Variants in TMEM117 observed in about 807,000 individuals in gnomAD.
TMEM117 encodes the protein transmembrane protein 117.
TMEM117 carries 27 observed loss-of-function variants against 52.4 expected under a neutral mutation model. That is an observed-to-expected ratio of 0.51 (90% CI 0.38 to 0.71). TMEM117 has a LOEUF of 0.71. Among genes scored for constraint, TMEM117 ranks in the 30% least tolerant of loss-of-function variants. TMEM117 has a pLI of 0.00. For missense variants in TMEM117, 556 were observed against 630.5 expected (o/e 0.88, Z 1.26); for synonymous variants, 215 against 206.3 (o/e 1.04, Z -0.36).
chr12:44,127,416 C>T (rs1948343549), intron 3 of TMEM117, among the ~76,000 whole-genome samples: 2 of 151,858 alleles, frequency 1.3e-5, no homozygotes, highest in Non-Finnish European at 2.9e-5. Flanking sequence ...GTGGCGCGTG[C>T]CTGTTACACC....
At chr12:43,944,402 T>C (rs1945095792) in intron 3 of TMEM117, 60 bp downstream of exon 3, 1 of 1,511,514 alleles carries the variant, frequency 6.6e-7, no homozygotes, top group South Asian at 1.3e-5. Flanking sequence ...TGTAAGAATT[T>C]AAGAGTTTTT....
At chr12:44,068,867 T>G (rs1241401001) in intron 3 of TMEM117, among the ~76,000 whole-genome samples, 36 of 152,264 alleles carry the variant, frequency 2.4e-4, no homozygotes, top group Non-Finnish European at 4.4e-5. Flanking sequence ...TGTAGCACAA[T>G]GAAGTAAAGC....
At chr12:44,266,808 TAACTTCA>T (rs1483497269) in intron 5 of TMEM117, among the ~76,000 whole-genome samples, 1 of 152,138 alleles carries the variant, frequency 6.6e-6, no homozygotes, top group Non-Finnish European at 1.5e-5. Flanking sequence ...GGATAGTATC[TAACTTCA>T]TTATTTTGCA....
chr12:44,372,539 A>G (rs926832332), intron 6 of TMEM117, among the ~76,000 whole-genome samples: 1 of 151,840 alleles, frequency 6.6e-6, no homozygotes, highest in East Asian at 1.9e-4. Context: ...AGAAAATGTT[A>G]AAGTTGGTCT....
chr12:44,234,495 A>G (rs1223323031), intron 5 of TMEM117, among the ~76,000 whole-genome samples: 1 of 150,844 alleles, frequency 6.6e-6, no homozygotes, highest in African/African-American at 2.4e-5. Flanking sequence ...TCTTTTCTTC[A>G]TTATTATTTT....
chr12:43,804,840 T>A, the TMEM117 span, among the ~76,000 whole-genome samples: 3 of 152,238 alleles, frequency 2.0e-5, no homozygotes. Flanking sequence ...GTGAATATAC[T>A]GAAGTTACTC....
intron 4 of TMEM117, among the ~76,000 whole-genome samples, chr12:44,192,403 A>C (rs1405718005): frequency 6.6e-6 from 1 of 152,234 alleles, no homozygotes. Flanking sequence ...AGACCAAATA[A>C]AATGGACTAA....
intron 2 of TMEM117, among the ~76,000 whole-genome samples, chr12:43,862,345 T>G (rs940728192): frequency 2.0e-5 from 3 of 152,318 alleles, no homozygotes; most frequent in Middle Eastern, 3.4e-3. Context: ...ATTTTTTGCA[T>G]TTTTAGTAGA....
At position 43,842,368 on chromosome 12, in the gene TMEM117, A is replaced by G. The variant is rs916491042; in HGVS notation, c.-28-2256A>G. Among the ~76,000 whole-genome samples, 3 of 152,310 alleles carry G rather than the reference A, an allele frequency of 2.0e-5. No individual in the cohort carries two copies. In the South Asian group the frequency reaches 6.2e-4, roughly 32 times the overall value. On this transcript the variant is annotated intron_variant, in intron 1 of 7. Coordinates refer to ENST00000266534, the MANE Select transcript of TMEM117 (RefSeq NM_032256.3). ...CCTGGGGACAGATTTCAGAGTGTTC[A>G]CAAAGATAACAAGGGACTTAAAATT...
chr12:44,215,150 T>G (rs946393749), intron 5 of TMEM117, among the ~76,000 whole-genome samples: 1 of 152,208 alleles, frequency 6.6e-6, no homozygotes, highest in Non-Finnish European at 1.5e-5. Flanking sequence ...AAATCTTTCT[T>G]AAGTTGCAAT....
In TMEM117 at chr12:44,051,337, C is replaced by T. The variant is rs181602066; in HGVS notation, c.411-92188C>T. 2.3e-3 allele frequency among the ~76,000 whole-genome samples: 354 copies of T among 152,172 alleles called. 3 individuals carry two copies. Among genetic ancestry groups the T allele is most frequent in the African/African-American group, 8.1e-3 (336 of 41,522 alleles). On this transcript the variant is annotated intron_variant, in intron 3 of 7. Coordinates refer to ENST00000266534, the MANE Select transcript of TMEM117 (RefSeq NM_032256.3). ...TAATAATGACAGTAATAATAATAGA[C>T]GATATCCACATCTGTTCTACTGAAC...
intron 2 of TMEM117, among the ~76,000 whole-genome samples, chr12:43,931,889 G>A (rs1778819998): frequency 6.6e-6 from 1 of 152,180 alleles, no homozygotes; most frequent in African/African-American, 2.4e-5. Context: ...CCCAGGCTTG[G>A]CATCTCCACC....
At chr12:44,068,018 G>A (rs950014712) in intron 3 of TMEM117, among the ~76,000 whole-genome samples, 3 of 152,116 alleles carry the variant, frequency 2.0e-5, no homozygotes, top group African/African-American at 7.2e-5. Flanking sequence ...TCTTCACCTG[G>A]CACTTTTATG....
At chr12:43,971,714 A>C (rs1170401365) in intron 3 of TMEM117, among the ~76,000 whole-genome samples, 1 of 152,010 alleles carries the variant, frequency 6.6e-6, no homozygotes, top group African/African-American at 2.4e-5. Flanking sequence ...TGTCCCTCCC[A>C]CCTCCAGTAC....
intron 6 of TMEM117, among the ~76,000 whole-genome samples, chr12:44,303,591 C>A (rs1033232943): frequency 5.3e-5 from 8 of 152,096 alleles, no homozygotes; most frequent in African/African-American, 1.9e-4. Context: ...CAAAGTGTAA[C>A]GTGACTCACA....
chr12:44,023,339 C>T (rs1946482925), intron 3 of TMEM117, among the ~76,000 whole-genome samples: 1 of 152,146 alleles, frequency 6.6e-6, no homozygotes, highest in Non-Finnish European at 1.5e-5. Flanking sequence ...GGTATATACC[C>T]AGTAATGGGA....
rs35687259 is a variant in TMEM117 at position 44,277,761 on chromosome 12, CTT to C, written c.609-21798_609-21797del. ...GCCACTAGCCAGACAAAACTCTGAG[CTT>C]TTTTTTTTTTTTTTTTTTTTGACAG... On this transcript the variant is annotated intron_variant, in intron 5 of 7. Transcript: ENST00000266534. Among the ~76,000 whole-genome samples the C allele has an allele frequency of 7.6e-3, 728 of 95,448 alleles. 3 individuals carry two copies. The highest frequency in any genetic ancestry group is 0.028 in the African/African-American group (630 of 22,444). The allele number at this position is 95,448 out of a possible 152,430, so 62.6% of individuals were successfully genotyped here.
chr12:44,208,395 A>G (rs976436405), intron 4 of TMEM117, among the ~76,000 whole-genome samples: 4 of 152,070 alleles, frequency 2.6e-5, no homozygotes, highest in African/African-American at 9.7e-5. Context: ...AAGATTTGCA[A>G]TTTCAAATTC....
rs145005609 is a variant in TMEM117, at chr12:44,142,092, A to T, written c.411-1433A>T. ...ATCCTGTCCATTTACCAGATGCTTG[A>T]CCTTAAGCAAGTTGCAAAAACTCTG... On this transcript the variant is annotated intron_variant, in intron 3 of 7. Transcript: ENST00000266534. 5.2e-3 allele frequency among the ~76,000 whole-genome samples: 788 copies of T among 152,264 alleles called. 5 individuals carry two copies. The highest frequency in any genetic ancestry group is 8.6e-3 in the Non-Finnish European group (588 of 67,996).
Sources: allele counts gnomAD v4.1 joint callset (sites outside exome capture counted in the v4.1 genomes callset), GRCh38; gene constraint gnomAD v4.1.1; transcripts MANE v1.5; gene names NCBI Gene and HGNC (gene_info 2026-07-23, HGNC 2026-07-21).